The following HTR1E variants were observed in gnomAD, a reference collection of about 807,000 sequenced individuals.
HTR1E encodes the protein 5-hydroxytryptamine receptor 1E.
Under a neutral mutation model 3.4 loss-of-function variants are expected in HTR1E, and 3 were observed. The observed-to-expected ratio is 0.89, with a 90% CI of 0.41 to 2.31. HTR1E has a LOEUF of 2.31. Ranked by LOEUF, HTR1E falls within the 30% of genes most tolerant of loss-of-function variation. The pLI, the probability that HTR1E is intolerant of heterozygous loss-of-function variation, is 0.05. For missense variants in HTR1E, 392 were observed against 467.0 expected (o/e 0.84, Z 1.48); for synonymous variants, 170 against 182.8 (o/e 0.93, Z 0.56).
intron 1 of HTR1E, among the ~76,000 whole-genome samples, chr6:86,998,109 C>T (rs562842334): frequency 6.6e-6 from 1 of 151,942 alleles, no homozygotes; most frequent in South Asian, 2.1e-4. Flanking sequence ...ATTGACAGAA[C>T]TAAAGGGAGA....
At chr6:87,013,677 C>A (rs1296688435) in intron 1 of HTR1E, among the ~76,000 whole-genome samples, 1 of 151,304 alleles carries the variant, frequency 6.6e-6, no homozygotes, top group South Asian at 2.1e-4. Flanking sequence ...TAAAAAAAAG[C>A]CTTTTTATAT....
intron 1 of HTR1E, among the ~76,000 whole-genome samples, chr6:86,939,232 A>AG (rs1400636126): frequency 6.6e-6 from 1 of 152,252 alleles, no homozygotes; most frequent in Non-Finnish European, 1.5e-5. Flanking sequence ...TTTAGCCTCC[A>AG]GCCCACGGAG....
chr6:86,942,452 T>TCC (rs1380941473), intron 1 of HTR1E, among the ~76,000 whole-genome samples: 1 of 152,212 alleles, frequency 6.6e-6, no homozygotes, highest in Non-Finnish European at 1.5e-5. Flanking sequence ...TATACAGTCA[T>TCC]CCATAAACAC....
intron 1 of HTR1E, among the ~76,000 whole-genome samples, chr6:87,009,962 G>A (rs1191257056): frequency 1.5e-3 from 185 of 121,678 alleles, no homozygotes; most frequent in Non-Finnish European, 1.8e-3. Flanking sequence ...GGGCGGCCGG[G>A]CAGAGGCGCC....
At chr6:86,997,465 T>C (rs1767959798) in intron 1 of HTR1E, among the ~76,000 whole-genome samples, 1 of 151,672 alleles carries the variant, frequency 6.6e-6, no homozygotes, top group African/African-American at 2.4e-5. Flanking sequence ...ACAAAAAAAC[T>C]CATATCTAAT....
chr6:86,999,861 G>A (rs1429203588), intron 1 of HTR1E, among the ~76,000 whole-genome samples: 1 of 152,072 alleles, frequency 6.6e-6, no homozygotes, highest in Non-Finnish European at 1.5e-5. Context: ...GCATGATACT[G>A]GAGTGCTCCC....
intron 1 of HTR1E, among the ~76,000 whole-genome samples, chr6:86,979,926 G>A (rs937684359): frequency 5.3e-5 from 8 of 151,976 alleles, no homozygotes; most frequent in African/African-American, 1.7e-4. Context: ...TTACAGAAAC[G>A]GTCCACCTGC....
At chr6:86,954,235 T>C (rs1199190130) in intron 1 of HTR1E, among the ~76,000 whole-genome samples, 1 of 152,188 alleles carries the variant, frequency 6.6e-6, no homozygotes, top group Admixed American at 6.5e-5. Context: ...GAGCCTGAGA[T>C]ATTTCCATTT....
In HTR1E at chr6:87,015,420, T is replaced by C. The variant is rs1366631210; in HGVS notation, c.86T>C (p.Leu29Pro). 6.2e-7 allele frequency: 1 copy of C among 1,613,648 alleles called. No individual in the cohort carries two copies. Among genetic ancestry groups the C allele is most frequent in the Non-Finnish European group, 8.5e-7 (1 of 1,179,702 alleles). ...GAGAAGATGCTCATTTGCATGACTCTGGTGGTCATCACCACCCTCACCACG... is the reference window on the plus strand; with the variant it reads ...GAGAAGATGCTCATTTGCATGACTCCGGTGGTCATCACCACCCTCACCACG... ...ITEKMLICMT[L>P]VVITTLTTLL... Residue 29 changes from leucine (L) to proline (P), a missense_variant, in exon 2 of 2, where the codon CTG (leucine) becomes CCG (proline). Leu to Pro is a moderately conservative substitution (Grantham distance 98). Transcript: ENST00000305344.
intron 1 of HTR1E, among the ~76,000 whole-genome samples, chr6:87,001,855 G>A (rs1211655259): frequency 6.6e-6 from 1 of 152,144 alleles, no homozygotes; most frequent in Non-Finnish European, 1.5e-5. Context: ...AACTATCTAT[G>A]AGACTATTGG....
intron 1 of HTR1E, among the ~76,000 whole-genome samples, chr6:86,950,746 G>A (rs1443858954): frequency 1.3e-5 from 2 of 152,070 alleles, no homozygotes; most frequent in African/African-American, 2.4e-5. Flanking sequence ...AAATCTTCCT[G>A]GGCCTCAGTT....
At chr6:86,951,406 T>C (rs1767238559) in intron 1 of HTR1E, among the ~76,000 whole-genome samples, 1 of 152,218 alleles carries the variant, frequency 6.6e-6, no homozygotes, top group Admixed American at 6.5e-5. Context: ...AGAAATCAAT[T>C]TAAATGGCAT....
Position 86,952,860 on chromosome 6 carries a change from T to C in HTR1E, c.-186+15037T>C, listed in dbSNP as rs186525609. 1.0e-3 allele frequency among the ~76,000 whole-genome samples: 158 copies of C among 152,304 alleles called. 1 individual carries two copies. Among genetic ancestry groups the C allele is most frequent in the African/African-American group, 3.5e-3 (147 of 41,574 alleles). On this transcript the variant is annotated intron_variant, in intron 1 of 1. Coordinates refer to ENST00000305344, the MANE Select transcript of HTR1E (RefSeq NM_000865.3). ...AAAATGATTACAAGAAGCAAAAATCTTCACAGCAACATCATACATTGGTTA... is the reference window on the plus strand; with the variant it reads ...AAAATGATTACAAGAAGCAAAAATCCTCACAGCAACATCATACATTGGTTA...
chr6:86,966,188 T>G (rs1000875816), intron 1 of HTR1E, among the ~76,000 whole-genome samples: 1 of 151,950 alleles, frequency 6.6e-6, no homozygotes, highest in African/African-American at 2.4e-5. Flanking sequence ...GAAATAATAT[T>G]ACTAAGAAGA....
In HTR1E at chr6:87,016,307, G is replaced by A; in HGVS notation, c.973G>A (p.Val325Met). ...GAGCATCTACACCGTGTCCTCGGAA[G>A]TGGCCGACTTTCTGACGTGGCTCGG... is the stretch of plus-strand genomic sequence containing the variant. ...GLSIYTVSSEVADFLTWLGYV... is the reference protein window; with the variant it reads ...GLSIYTVSSEMADFLTWLGYV... Residue 325 changes from valine to methionine, a missense_variant, in exon 2 of 2, where the codon GTG becomes ATG. By Grantham distance (21) the Val-to-Met change is conservative. Around this residue, in one of 3 missense-constraint regions of HTR1E, gnomAD observed 178 missense variants for 164.9 expected, o/e 1.08. Transcript: ENST00000305344. 6.2e-7 allele frequency: 1 copy of A among 1,614,218 alleles called. No homozygotes were observed. The highest frequency in any genetic ancestry group is 8.5e-7 in the Non-Finnish European group (1 of 1,180,048).
intron 1 of HTR1E, among the ~76,000 whole-genome samples, chr6:86,952,711 A>G (rs1767265195): frequency 1.3e-5 from 2 of 152,184 alleles, no homozygotes; most frequent in Admixed American, 6.5e-5. Flanking sequence ...AGAATAGTCC[A>G]TCTTTTCTGT....
intron 1 of HTR1E, among the ~76,000 whole-genome samples, chr6:87,012,107 G>C (rs1372797080): frequency 6.6e-6 from 1 of 151,482 alleles, no homozygotes; most frequent in Non-Finnish European, 1.5e-5. Context: ...GCAGTCTGGG[G>C]ATCTGAAAGA....
rs1237057975 is a variant in HTR1E at position 87,016,578 on chromosome 6, TTTG to T, written c.*149_*151del. 8 of 651,568 alleles carry T rather than the reference TTTG, an allele frequency of 1.2e-5. No homozygotes were observed. Among genetic ancestry groups the T allele is most frequent in the African/African-American group, 3.6e-5 (2 of 54,886 alleles). 40.4% of individuals were successfully genotyped at this position (651,568 alleles called of 1,614,324 possible). ...CTTGTTTCCTTGTTTGTTTGTTTGT[TTTG>T]TTCTGTTTTGTTTGAGGATTGTTAT... On this transcript the variant is annotated 3_prime_UTR_variant, in exon 2 of 2. Transcript: ENST00000305344.
chr6:86,994,050 G>A (rs1767904654), intron 1 of HTR1E, among the ~76,000 whole-genome samples: 1 of 152,030 alleles, frequency 6.6e-6, no homozygotes, highest in Non-Finnish European at 1.5e-5. Flanking sequence ...GAAAAGATCG[G>A]TGAACTTAAA....
Sources: allele counts gnomAD v4.1 joint callset (sites outside exome capture counted in the v4.1 genomes callset), GRCh38; gene constraint gnomAD v4.1.1; regional missense constraint gnomAD v4.1.1; transcripts MANE v1.5; gene names NCBI Gene and HGNC (gene_info 2026-07-23, HGNC 2026-07-21).